The following TEKT5 variants were observed in gnomAD, a reference collection of about 807,000 sequenced individuals.
The protein encoded by TEKT5 is tektin-5.
A neutral mutation model predicts 48.7 loss-of-function variants in TEKT5; 52 were observed. That is an observed-to-expected ratio of 1.07 (90% CI 0.86 to 1.35). The LOEUF (loss-of-function observed/expected upper bound fraction) is 1.35. Ranked by LOEUF, TEKT5 falls within the 40% of genes most tolerant of loss-of-function variation. TEKT5 has a pLI of 0.00. For missense variants in TEKT5, 831 were observed against 641.6 expected (o/e 1.30, Z -3.19); for synonymous variants, 318 against 267.6 (o/e 1.19, Z -1.84).
In TEKT5 at chr16:10,689,451, G is replaced by C. The variant is rs1596422144; in HGVS notation, c.649-128C>G. On this transcript the variant is annotated intron_variant, in intron 2 of 6. Coordinates refer to ENST00000283025, the MANE Select transcript of TEKT5 (RefSeq NM_144674.2). ...CTCGACCCCAGGAGGTGAAATGTCAGCGTGGGGCCCCGCCTCAATCCACGT... is the reference window on the plus strand; with the variant it reads ...CTCGACCCCAGGAGGTGAAATGTCACCGTGGGGCCCCGCCTCAATCCACGT... The C allele has an allele frequency of 9.8e-6, 8 of 820,144 alleles. No individual in the cohort carries two copies. In the East Asian group the frequency reaches 1.8e-4, roughly 19 times the overall value. The allele number at this position is 820,144 out of a possible 1,614,324, so 50.8% of individuals were successfully genotyped here.
chr16:10,677,533 T>TG (rs1898669819), intron 4 of TEKT5, among the ~76,000 whole-genome samples: 1 of 144,512 alleles, frequency 6.9e-6, no homozygotes, highest in African/African-American at 2.8e-5. Flanking sequence ...TCACTTGAAC[T>TG]GGGAGTCAGA....
Position 10,694,537 on chromosome 16 carries a change from TGGCCCACAGCCGGGAGGCCTC to T in TEKT5, c.316_336del (p.Glu106_Ala112del). On this transcript the variant is annotated inframe_deletion, in exon 1 of 7. Transcript: ENST00000283025. ...CTCATGGAGTCATCCGTCAGCCGGC[TGGCCCACAGCCGGGAGGCCTC>T]GGCCCCACGCACCTGCAGCTGGTTG... 2.5e-6 allele frequency: 4 copies of T among 1,607,916 alleles called. No homozygotes were observed. Among genetic ancestry groups the T allele is most frequent in the South Asian group, 1.1e-5 (1 of 90,142 alleles).
chr16:10,652,862 CA>C (rs1898190821), intron 5 of TEKT5, among the ~76,000 whole-genome samples: 1 of 149,052 alleles, frequency 6.7e-6, no homozygotes. Context: ...CACACACACA[CA>C]CACACACCCT....
intron 5 of TEKT5, among the ~76,000 whole-genome samples, chr16:10,641,889 G>A (rs1897998746): frequency 6.6e-6 from 1 of 152,232 alleles, no homozygotes; most frequent in Non-Finnish European, 1.5e-5. Flanking sequence ...ACTGGAATTA[G>A]GCAAAGCCTT....
intron 4 of TEKT5, among the ~76,000 whole-genome samples, chr16:10,677,130 G>A (rs1224994901): frequency 5.3e-5 from 8 of 152,214 alleles, no homozygotes; most frequent in Non-Finnish European, 8.8e-5. Context: ...GTCCGGGACT[G>A]CAGTGAGCCA....
chr16:10,637,453 G>A (rs1244624143), intron 5 of TEKT5, among the ~76,000 whole-genome samples: 1 of 151,564 alleles, frequency 6.6e-6, no homozygotes, highest in East Asian at 1.9e-4. Context: ...GGAGGAAGGA[G>A]GAGGGGAGAG....
chr16:10,668,544 G>T (rs1409581837), intron 5 of TEKT5, among the ~76,000 whole-genome samples: 1 of 152,154 alleles, frequency 6.6e-6, no homozygotes, highest in Non-Finnish European at 1.5e-5. Flanking sequence ...GACCTCCTTG[G>T]ACAAACAGAG....
chr16:10,661,131 A>C (rs1898363637), intron 5 of TEKT5, among the ~76,000 whole-genome samples: 1 of 152,212 alleles, frequency 6.6e-6, no homozygotes, highest in African/African-American at 2.4e-5. Flanking sequence ...ACAACATGAA[A>C]ATGTATTGGG....
intron 5 of TEKT5, among the ~76,000 whole-genome samples, chr16:10,647,123 G>A (rs935691970): frequency 2.6e-5 from 4 of 152,102 alleles, no homozygotes; most frequent in African/African-American, 9.7e-5. Context: ...CCTACTTGAA[G>A]AGCCTATTGC....
intron 5 of TEKT5, among the ~76,000 whole-genome samples, chr16:10,658,012 T>G (rs2430637): frequency 0.035 from 5,327 of 152,256 alleles, 290 homozygotes; most frequent in African/African-American, 0.12. Flanking sequence ...GCCATCACTA[T>G]AATCTAATTT....
chr16:10,693,857 C>T (rs145817926), intron 1 of TEKT5, among the ~76,000 whole-genome samples: 116 of 152,268 alleles, frequency 7.6e-4, no homozygotes, highest in African/African-American at 2.6e-3. Context: ...GTAATCCCAG[C>T]TCCTCAGGAG....
chr16:10,693,073 T>C (rs1379846636), intron 1 of TEKT5: 11 of 152,218 alleles, frequency 7.2e-5, no homozygotes, highest in African/African-American at 2.7e-4. Context: ...AATGTCCACA[T>C]TTAGTTTTTG....
chr16:10,679,617 A>T (rs1356481268), intron 4 of TEKT5, among the ~76,000 whole-genome samples: 3 of 152,100 alleles, frequency 2.0e-5, no homozygotes, highest in African/African-American at 7.2e-5. Flanking sequence ...CCCTAAGGCC[A>T]GGGGTGGTGG....
chr16:10,672,006 G>A lies in TEKT5; in HGVS notation c.1086+3953C>T, dbSNP rs115170471. Among the ~76,000 whole-genome samples, 689 of 152,258 alleles carry A rather than the reference G, an allele frequency of 4.5e-3. 3 individuals carry two copies. The highest frequency in any genetic ancestry group is 0.016 in the African/African-American group (650 of 41,532). On this transcript the variant is annotated intron_variant, in intron 5 of 6. Coordinates refer to ENST00000283025, the MANE Select transcript of TEKT5 (RefSeq NM_144674.2). The stretch of plus-strand genomic sequence containing the variant: ...AAATGATATTACCATGGATATGGGG[G>A]GAGATGGAAAAGGGGAGGGAGTGTT...
At chr16:10,650,734 A>G (rs1171510258) in intron 5 of TEKT5, among the ~76,000 whole-genome samples, 2 of 151,946 alleles carry the variant, frequency 1.3e-5, no homozygotes, top group Non-Finnish European at 2.9e-5. Context: ...AAATACAAAA[A>G]ATCAGCCAGG....
chr16:10,659,115 C>A, intron 5 of TEKT5, among the ~76,000 whole-genome samples: 2 of 152,326 alleles, frequency 1.3e-5, no homozygotes, highest in East Asian at 3.9e-4. Context: ...GTAGCATCCA[C>A]CCCGCAAGCT....
intron 6 of TEKT5, among the ~76,000 whole-genome samples, chr16:10,630,376 C>T (rs1434034293): frequency 1.3e-5 from 2 of 151,998 alleles, no homozygotes; most frequent in African/African-American, 4.8e-5. Context: ...GCTGAGGCTA[C>T]AGGCAGGCAC....
At chr16:10,636,605 CAG>C in intron 5 of TEKT5, among the ~76,000 whole-genome samples, 1 of 151,874 alleles carries the variant, frequency 6.6e-6, no homozygotes, top group Non-Finnish European at 1.5e-5. Context: ...TTCAGATTGA[CAG>C]AGACTGTTAA....
At chr16:10,630,426 G>A (rs1596398350) in intron 6 of TEKT5, among the ~76,000 whole-genome samples, 1 of 151,992 alleles carries the variant, frequency 6.6e-6, no homozygotes, top group South Asian at 2.1e-4. Context: ...TTTTTATAGA[G>A]ATGGGGTTTA....
Sources: allele counts gnomAD v4.1 joint callset (sites outside exome capture counted in the v4.1 genomes callset), GRCh38; gene constraint gnomAD v4.1.1; transcripts MANE v1.5; gene names NCBI Gene and HGNC (gene_info 2026-07-23, HGNC 2026-07-21).